Variants in SYNE2 observed in about 807,000 individuals in gnomAD.
The protein encoded by SYNE2 is spectrin repeat containing nuclear envelope protein 2.
SYNE2 carries 431 observed loss-of-function variants against 856.3 expected under a neutral mutation model. That is an observed-to-expected ratio of 0.50 (90% CI 0.47 to 0.55). The LOEUF (loss-of-function observed/expected upper bound fraction) is 0.55, where lower values mean the gene tolerates loss of function less well. SYNE2 is among the 20% of genes least tolerant of loss of function. SYNE2 has a pLI of 0.00. For missense variants in SYNE2, 8,129 were observed against 8,023.2 expected, an observed-to-expected ratio of 1.01 and a Z score of -0.50; for synonymous variants, 2,923 against 2,872.3, an observed-to-expected ratio of 1.02 and a Z score of -0.56.
At chr14:63,860,247 T>C (rs1893159203) in intron 1 of SYNE2, among the ~76,000 whole-genome samples, 1 of 148,266 alleles carries the variant, frequency 6.7e-6, no homozygotes, top group African/African-American at 2.7e-5. Context: ...CTGCAGAGTA[T>C]TACAATATTC....
At chr14:63,780,667 G>C (rs1358684880) in intron 1 of SYNE2, among the ~76,000 whole-genome samples, 2 of 152,104 alleles carry the variant, frequency 1.3e-5, no homozygotes, top group Admixed American at 1.3e-4. Context: ...TCTGGTAACT[G>C]ACCTTCATAA....
In SYNE2 at chr14:64,219,208, G is replaced by C. The variant is rs1005373982; in HGVS notation, c.19658G>C (p.Gly6553Ala). Residue 6553 changes from glycine to alanine, a missense_variant and splice_region_variant, in exon 110 of 116, where the codon GGT becomes GCT. Physicochemically the swap from Gly to Ala is moderately conservative, Grantham distance 60. Transcript: ENST00000555002. Reference protein sequence around the residue: ...GLAGITEQQSGAFDRWEMIQA... With the variant: ...GLAGITEQQSAAFDRWEMIQA... The stretch of plus-strand genomic sequence containing the variant: ...TTAATTGGCGATTTTTTAATTCCAG[G>C]TGCCTTCGACAGATGGGAGATGATT... 3.7e-6 allele frequency: 6 copies of C among 1,605,082 alleles called. No individual in the cohort carries two copies. In the African/African-American group the frequency reaches 6.7e-5, roughly 18 times the overall value.
chr14:64,224,181 C>CAAAAAAAAAAAAAAAAAA (rs35804232), intron 113 of SYNE2, among the ~76,000 whole-genome samples: 1 of 74,748 alleles, frequency 1.3e-5, no homozygotes, highest in African/African-American at 5.5e-5. Flanking sequence ...CCCGTCTCTG[C>CAAAAAAAAAAAAAAAAAA]AAAAAAAAAA....
At chr14:63,987,151 A>G (rs1463531230) in intron 19 of SYNE2, among the ~76,000 whole-genome samples, 1 of 152,008 alleles carries the variant, frequency 6.6e-6, no homozygotes, top group Non-Finnish European at 1.5e-5. Context: ...GCTCCTCGGG[A>G]GGCTGAGGCA....
intron 1 of SYNE2, among the ~76,000 whole-genome samples, chr14:63,877,922 C>G (rs551635942): frequency 6.6e-6 from 1 of 150,720 alleles, no homozygotes; most frequent in African/African-American, 2.4e-5. Context: ...GGGTCTCATT[C>G]TGTTGCCCAG....
intron 31 of SYNE2, among the ~76,000 whole-genome samples, chr14:64,007,468 A>C (rs2096805556): frequency 6.6e-6 from 1 of 152,222 alleles, no homozygotes. Context: ...GTTTATGCTC[A>C]TTACCATCCC....
chr14:64,190,001 ATGTC>A (rs953791485), intron 98 of SYNE2, 66 bp from the exon 99 acceptor site: 30 of 1,543,946 alleles, frequency 1.9e-5, no homozygotes, highest in Non-Finnish European at 2.7e-5. Context: ...AGGTAACTCT[ATGTC>A]TGTGGCTGGA....
intron 115 of SYNE2, 73 bp downstream of exon 115, chr14:64,225,118 C>T (rs1350229173): frequency 1.3e-6 from 2 of 1,582,932 alleles, no homozygotes; most frequent in Non-Finnish European, 1.7e-6. Context: ...TTGCCAATGC[C>T]ACTATCAAGG....
At chr14:64,191,676 C>G (rs2098519460) in intron 99 of SYNE2, among the ~76,000 whole-genome samples, 1 of 152,106 alleles carries the variant, frequency 6.6e-6, no homozygotes, top group Non-Finnish European at 1.5e-5. Context: ...ATGCCTGGTT[C>G]CTTAGCAGTG....
intron 1 of SYNE2, among the ~76,000 whole-genome samples, chr14:63,868,338 G>A (rs1028693860): frequency 1.3e-5 from 2 of 152,044 alleles, no homozygotes; most frequent in Non-Finnish European, 2.9e-5. Context: ...AGCCAGGCGT[G>A]GTGGTGCACA....
In SYNE2 at chr14:64,007,184, A is replaced by G; in HGVS notation, c.4539A>G (p.Val1513=). 1 of 1,614,202 alleles carries G rather than the reference A, an allele frequency of 6.2e-7. No individual in the cohort carries two copies. Among genetic ancestry groups the G allele is most frequent in the Non-Finnish European group, 8.5e-7 (1 of 1,179,990 alleles). ...KTVNQQCQNT[V]VLWENTKALV... is the part of the protein sequence containing the mutation. The stretch of plus-strand genomic sequence containing the variant: ...TGAATCAACAGTGCCAAAATACAGT[A>G]GTCTTGTGGGAGAATACCAAAGCCT... Residue 1513 remains valine, a synonymous_variant, in exon 31 of 116, where the codon GTA becomes GTG. Transcript: ENST00000555002.
Position 64,134,053 on chromosome 14 carries a change from G to GATTAGTGGAAAT in SYNE2, c.14515-16_14515-15insATTAGTGGAAAT. 2 of 1,613,744 alleles carry GATTAGTGGAAAT rather than the reference G, an allele frequency of 1.2e-6. No individual in the cohort carries two copies. On this transcript the variant is annotated splice_polypyrimidine_tract_variant and intron_variant, in intron 77 of 115. Coordinates refer to ENST00000555002, the MANE Select transcript of SYNE2 (RefSeq NM_182914.3). Reference sequence around the variant, plus strand: ...GGTAAAGGGCTTCCACTAATTTTATGTCCTTGATTCTCTAGAAATGGGAAG... The same window carrying GATTAGTGGAAAT: ...GGTAAAGGGCTTCCACTAATTTTATGATTAGTGGAAATTCCTTGATTCTCTAGAAATGGGAAG...
intron 1 of SYNE2, among the ~76,000 whole-genome samples, chr14:63,829,212 A>G (rs1889575022): frequency 6.6e-6 from 1 of 152,132 alleles, no homozygotes. Flanking sequence ...CAGGAGTTCA[A>G]GACTAGCCTG....
chr14:63,960,108 A>G (rs2096290890), intron 8 of SYNE2, among the ~76,000 whole-genome samples: 1 of 152,250 alleles, frequency 6.6e-6, no homozygotes. Flanking sequence ...ATAAGTTTTT[A>G]TAAAGCAATA....
intron 34 of SYNE2, among the ~76,000 whole-genome samples, chr14:64,019,289 T>G (rs2096918650): frequency 6.6e-6 from 1 of 151,192 alleles, no homozygotes; most frequent in Non-Finnish European, 1.5e-5. Flanking sequence ...AAAAAAAAAT[T>G]TGTTCTCTTG....
chr14:64,183,216 G>C (rs940110616), intron 96 of SYNE2, among the ~76,000 whole-genome samples: 19 of 146,556 alleles, frequency 1.3e-4, no homozygotes, highest in Non-Finnish European at 2.3e-4. Context: ...GCTGCCGGGC[G>C]GAGGGGCTCC....
chr14:63,920,484 A>C (rs2095586668), intron 2 of SYNE2, among the ~76,000 whole-genome samples: 1 of 150,986 alleles, frequency 6.6e-6, no homozygotes, highest in South Asian at 2.1e-4. Context: ...TTGAAGGAGA[A>C]TGTGAAGAGA....
intron 96 of SYNE2, among the ~76,000 whole-genome samples, chr14:64,180,718 G>A (rs1043788124): frequency 6.6e-6 from 1 of 152,008 alleles, no homozygotes; most frequent in Non-Finnish European, 1.5e-5. Context: ...TGGCCAGGCT[G>A]GTCTCTAACT....
intron 99 of SYNE2, among the ~76,000 whole-genome samples, chr14:64,201,614 G>A (rs12883524): frequency 0.01 from 1,540 of 152,292 alleles, 7 homozygotes; most frequent in Non-Finnish European, 0.016. Flanking sequence ...GATCAGACTT[G>A]CCTTCTAGAA....
Sources: allele counts gnomAD v4.1 joint callset (sites outside exome capture counted in the v4.1 genomes callset), GRCh38; gene constraint gnomAD v4.1.1; transcripts MANE v1.5; gene names NCBI Gene and HGNC (gene_info 2026-07-23, HGNC 2026-07-21).